WWOX: variants seen among roughly 807,000 people sequenced by gnomAD.
The protein encoded by WWOX is WW domain-containing oxidoreductase.
Under a neutral mutation model 46.2 loss-of-function variants are expected in WWOX, and 69 were observed. That is an observed-to-expected ratio of 1.49 (90% CI 1.23 to 1.82). The LOEUF is 1.82. Ranked by LOEUF, WWOX falls within the 40% of genes most tolerant of loss-of-function variation. The pLI, the probability that WWOX is intolerant of heterozygous loss-of-function variation, is 0.00. For synonymous variants in WWOX, 359 were observed against 202.6 expected, an observed-to-expected ratio of 1.77 and a Z score of -6.56; for missense variants, 919 against 542.6, an observed-to-expected ratio of 1.69 and a Z score of -6.89.
At chr16:78,684,118 A>C (rs1326037702) in intron 8 of WWOX, among the ~76,000 whole-genome samples, 1 of 152,168 alleles carries the variant, frequency 6.6e-6, no homozygotes, top group African/African-American at 2.4e-5. Flanking sequence ...ACCTCATGGC[A>C]TCTTTTTATC....
At chr16:78,430,876 T>C (rs950866989) in intron 7 of WWOX, among the ~76,000 whole-genome samples, 1 of 152,232 alleles carries the variant, frequency 6.6e-6, no homozygotes, top group African/African-American at 2.4e-5. Context: ...GCCATGCTTT[T>C]CTTGGTCTTA....
intron 8 of WWOX, among the ~76,000 whole-genome samples, chr16:78,909,562 C>T (rs2045055589): frequency 6.6e-6 from 1 of 152,146 alleles, no homozygotes; most frequent in South Asian, 2.1e-4. Flanking sequence ...CTCTCTTTGG[C>T]CTGTGAGTGA....
intron 8 of WWOX, among the ~76,000 whole-genome samples, chr16:79,003,435 CA>C (rs1261149454): frequency 6.6e-6 from 1 of 152,174 alleles, no homozygotes; most frequent in Non-Finnish European, 1.5e-5. Flanking sequence ...TGCTGAGTAA[CA>C]AGGTGTACCC....
chr16:79,037,253 C>T (rs1290335653), intron 8 of WWOX, among the ~76,000 whole-genome samples: 1 of 152,158 alleles, frequency 6.6e-6, no homozygotes, highest in Admixed American at 6.5e-5. Context: ...CGCTCCTGCT[C>T]CTGACTCTGG....
intron 8 of WWOX, among the ~76,000 whole-genome samples, chr16:78,484,389 C>T (rs1275887986): frequency 6.6e-6 from 1 of 151,964 alleles, no homozygotes; most frequent in Non-Finnish European, 1.5e-5. Context: ...GCTATTGATC[C>T]AGCAGCTGGT....
At chr16:79,155,793 T>A (rs1450798792) in intron 8 of WWOX, among the ~76,000 whole-genome samples, 1 of 152,148 alleles carries the variant, frequency 6.6e-6, no homozygotes, top group African/African-American at 2.4e-5. Flanking sequence ...GCCAGAGTTT[T>A]TTTTTCCCTT....
intron 8 of WWOX, among the ~76,000 whole-genome samples, chr16:79,011,241 C>G (rs1022256264): frequency 1.3e-5 from 2 of 151,282 alleles, no homozygotes; most frequent in Non-Finnish European, 2.9e-5. Flanking sequence ...TAGCAGGCAT[C>G]TTCTGAGAAT....
intron 8 of WWOX, among the ~76,000 whole-genome samples, chr16:78,693,708 C>T (rs1724826507): frequency 6.6e-6 from 1 of 152,062 alleles, no homozygotes; most frequent in Admixed American, 6.5e-5. Context: ...CTACTAATCG[C>T]CCTCTATTGC....
intron 8 of WWOX, 141 bp from the exon 9 acceptor site, chr16:79,211,467 C>G (rs1310590868): frequency 1.9e-6 from 2 of 1,033,230 alleles, no homozygotes; most frequent in African/African-American, 1.6e-5. Flanking sequence ...TGCTTTCAGC[C>G]CAGTACCCTT....
intron 1 of WWOX, among the ~76,000 whole-genome samples, chr16:78,104,623 G>A (rs1026983852): frequency 6.6e-6 from 1 of 152,092 alleles, no homozygotes; most frequent in Non-Finnish European, 1.5e-5. Flanking sequence ...CTTTTTAAAT[G>A]ACAAGCTCGT....
Position 79,211,608 on chromosome 16 carries a change from C to A in WWOX, c.1057C>A (p.Gln353Lys), listed in dbSNP as rs770155582. 3.1e-5 allele frequency: 50 copies of A among 1,614,040 alleles called. No individual in the cohort carries two copies. Among genetic ancestry groups the A allele is most frequent in the Non-Finnish European group, 4.2e-5 (49 of 1,180,048 alleles). The change falls in exon 9 of 9, where the codon CAA becomes AAA. Residue 353 changes from glutamine to lysine, a missense_variant and splice_region_variant. Coordinates refer to ENST00000566780, the MANE Select transcript of WWOX (RefSeq NM_016373.4). ...TLARPFTKSM[Q>K]QGAATTVYCA... ...TTTGTCTTTCTTCTTGGATTTCCAG[C>A]AACAGGGAGCTGCCACCACCGTGTA...
intron 8 of WWOX, among the ~76,000 whole-genome samples, chr16:78,782,410 G>T (rs1039173764): frequency 6.6e-6 from 1 of 152,138 alleles, no homozygotes; most frequent in African/African-American, 2.4e-5. Flanking sequence ...GAGAAAGGTA[G>T]AGCTCTCTTA....
chr16:78,619,386 G>A lies in WWOX; in HGVS notation c.1056+186634G>A, dbSNP rs2046121095. ...CAAAAAAAAAAAAAAAAAGTGTAAT[G>A]CAAGTAGAAAAGGGCACACACTCCA... On this transcript the variant is annotated intron_variant, in intron 8 of 8. Coordinates refer to ENST00000566780, the MANE Select transcript of WWOX (RefSeq NM_016373.4). 3.1e-5 allele frequency among the ~76,000 whole-genome samples: 4 copies of A among 127,912 alleles called. No homozygotes were observed. The Admixed American group carries it at 3.3e-4, about 11-fold the overall frequency. 83.9% of individuals were successfully genotyped at this position (127,912 alleles called of 152,430 possible). A position where few individuals can be genotyped will look rare whatever the true frequency, so the allele number is the denominator to read the frequency against.
chr16:78,520,975 G>A (rs1401883937), intron 8 of WWOX, among the ~76,000 whole-genome samples: 2 of 152,110 alleles, frequency 1.3e-5, no homozygotes, highest in Non-Finnish European at 2.9e-5. Context: ...TCACCAGGGC[G>A]AGCAGTTATG....
At chr16:79,061,861 C>G (rs1445643192) in intron 8 of WWOX, among the ~76,000 whole-genome samples, 1 of 152,292 alleles carries the variant, frequency 6.6e-6, no homozygotes, top group Non-Finnish European at 1.5e-5. Flanking sequence ...TTTTGGCAGC[C>G]TTACTTGGTA....
chr16:78,443,669 C>A (rs1340727214), intron 8 of WWOX, among the ~76,000 whole-genome samples: 3 of 152,172 alleles, frequency 2.0e-5, no homozygotes, highest in Non-Finnish European at 2.9e-5. Context: ...ATTTAATGAA[C>A]ATTTAACCAA....
At chr16:78,542,290 G>C (rs144750191) in intron 8 of WWOX, among the ~76,000 whole-genome samples, 1,745 of 152,138 alleles carry the variant, frequency 0.011, 29 homozygotes, top group Middle Eastern at 0.044. Flanking sequence ...TGGGTAAGGA[G>C]GAGACTTTGA....
At chr16:78,850,669 T>G (rs941167383) in intron 8 of WWOX, among the ~76,000 whole-genome samples, 1 of 152,162 alleles carries the variant, frequency 6.6e-6, no homozygotes, top group Non-Finnish European at 1.5e-5. Context: ...ATGACGAGCC[T>G]CATCCAGGAC....
chr16:78,516,688 C>G (rs762157607), intron 8 of WWOX, among the ~76,000 whole-genome samples: 4 of 152,192 alleles, frequency 2.6e-5, no homozygotes, highest in Non-Finnish European at 5.9e-5. Flanking sequence ...TATACTTTTG[C>G]ACAGGCAAAA....
Sources: gnomAD v4.1 joint callset for allele counts (sites outside exome capture counted in the v4.1 genomes callset) on GRCh38, gnomAD v4.1.1 for gene constraint, MANE v1.5 for transcripts, NCBI Gene and HGNC (gene_info 2026-07-23, HGNC 2026-07-21) for gene names.